NTNG2: variants seen among roughly 807,000 people sequenced by gnomAD.
NTNG2 encodes netrin G2, also known as netrin-G2.
NTNG2 carries 15 observed loss-of-function variants against 47.6 expected under a neutral mutation model. That is an observed-to-expected ratio of 0.32 (90% CI 0.21 to 0.49). NTNG2 has a LOEUF of 0.49. Among genes scored for constraint, NTNG2 ranks in the 20% least tolerant of loss-of-function variants. NTNG2 has a pLI of 0.99. For missense variants in NTNG2, 578 were observed against 764.6 expected (o/e 0.76, Z 2.88); for synonymous variants, 307 against 324.6 (o/e 0.95, Z 0.58).
At position 132,221,858 on chromosome 9, in the gene NTNG2, C is replaced by T. The variant is rs914703443; in HGVS notation, c.858-4991C>T. ...TTACAATATGCTTCTTGGATTCGGCCGGTCTTCTATGCATCTTTACTAAGC... is the reference window on the plus strand; with the variant it reads ...TTACAATATGCTTCTTGGATTCGGCTGGTCTTCTATGCATCTTTACTAAGC... On this transcript the variant is annotated intron_variant, in intron 3 of 7. Coordinates refer to ENST00000393229, the MANE Select transcript of NTNG2 (RefSeq NM_032536.4). The surrounding 1 kb of genome is among the most constrained non-coding windows in gnomAD (Gnocchi z 4.2). 2.0e-5 allele frequency among the ~76,000 whole-genome samples: 3 copies of T among 152,200 alleles called. No homozygotes were observed. The highest frequency in any genetic ancestry group is 6.5e-5 in the Admixed American group (1 of 15,288).
At chr9:132,216,581 A>G (rs1840012961) in intron 3 of NTNG2, among the ~76,000 whole-genome samples, 1 of 151,982 alleles carries the variant, frequency 6.6e-6, no homozygotes, top group Admixed American at 6.6e-5. Flanking sequence ...CGCTGGCCTC[A>G]TGGGCTGGCC....
chr9:132,236,769 G>C lies in NTNG2; in HGVS notation c.1055-2335G>C, dbSNP rs1841660171. Among the ~76,000 whole-genome samples, 1 of 152,210 alleles carries C rather than the reference G, an allele frequency of 6.6e-6. No individual in the cohort carries two copies. ...AGGTAGTGACGATCCCGGGACAGTG[G>C]CCTGCTCACCCACAGATAGGGCGTT... is the stretch of plus-strand genomic sequence containing the variant. On this transcript the variant is annotated intron_variant, in intron 5 of 7. Transcript: ENST00000393229. This position sits in a 1 kb window ranked among gnomAD's most constrained non-coding sequence, Gnocchi z 4.3.
At position 132,208,519 on chromosome 9, in the gene NTNG2, C is replaced by T. The variant is rs377446111; in HGVS notation, c.857+9910C>T. Among the ~76,000 whole-genome samples, 13 of 151,924 alleles carry T rather than the reference C, an allele frequency of 8.6e-5. No homozygotes were observed. Among genetic ancestry groups the T allele is most frequent in the East Asian group, 3.9e-4 (2 of 5,140 alleles). On this transcript the variant is annotated intron_variant, in intron 3 of 7. Coordinates refer to ENST00000393229, the MANE Select transcript of NTNG2 (RefSeq NM_032536.4). The surrounding 1 kb of genome is among the most constrained non-coding windows in gnomAD (Gnocchi z 4.0). ...CTACCAAGACTGACAGCAGCCTGGC[C>T]GGGTTCTGGCAGGGACAGGGGCTGT...
At position 132,230,567 on chromosome 9, in the gene NTNG2, C is replaced by G. The variant is rs1434916958; in HGVS notation, c.1031-5C>G. On this transcript the variant is annotated splice_polypyrimidine_tract_variant and splice_region_variant and intron_variant, in intron 4 of 7. Coordinates refer to ENST00000393229, the MANE Select transcript of NTNG2 (RefSeq NM_032536.4). ...AGCCAGCTCACGCCCGTCTCTCTCCCACAGGTGCCACTGCAGGTTCCTTTG... is the reference window on the plus strand; with the variant it reads ...AGCCAGCTCACGCCCGTCTCTCTCCGACAGGTGCCACTGCAGGTTCCTTTG... The G allele has an allele frequency of 6.2e-7, 1 of 1,603,812 alleles. No homozygotes were observed. Among genetic ancestry groups the G allele is most frequent in the Non-Finnish European group, 8.5e-7 (1 of 1,175,114 alleles).
intron 2 of NTNG2, among the ~76,000 whole-genome samples, chr9:132,189,647 AT>A (rs544933690): frequency 6.7e-6 from 1 of 149,926 alleles, no homozygotes; most frequent in African/African-American, 2.4e-5. Flanking sequence ...CTTAAAAAAA[AT>A]TTTTTTTTTG....
At chr9:132,204,509 A>C (rs570343681) in intron 3 of NTNG2, among the ~76,000 whole-genome samples, 2 of 151,984 alleles carry the variant, frequency 1.3e-5, no homozygotes, top group South Asian at 4.2e-4. Flanking sequence ...CTATTCCTGT[A>C]CCCACCCTCC....
At position 132,236,890 on chromosome 9, in the gene NTNG2, A is replaced by G. The variant is rs1841670647; in HGVS notation, c.1055-2214A>G. ...AGTGGGACTCCAGGGACAGCGAAGG[A>G]TTCACTTCGGCTGGAGCAGGAAGAG... On this transcript the variant is annotated intron_variant, in intron 5 of 7. Transcript: ENST00000393229. The surrounding 1 kb of genome is among the most constrained non-coding windows in gnomAD (Gnocchi z 4.3). Among the ~76,000 whole-genome samples, 1 of 152,204 alleles carries G rather than the reference A, an allele frequency of 6.6e-6. No homozygotes were observed. The highest frequency in any genetic ancestry group is 2.4e-5 in the African/African-American group (1 of 41,456).
chr9:132,198,448 C>T lies in NTNG2; in HGVS notation c.696C>T (p.Asn232=), dbSNP rs1277303023. The T allele has an allele frequency of 1.2e-6, 2 of 1,613,066 alleles. No homozygotes were observed. The highest frequency in any genetic ancestry group is 1.7e-6 in the Non-Finnish European group (2 of 1,179,962). The change falls in exon 3 of 8, where the codon AAC becomes AAT. Residue 232 remains asparagine (N), a synonymous_variant. Coordinates refer to ENST00000393229, the MANE Select transcript of NTNG2 (RefSeq NM_032536.4). ...GCCCCGACCTGCGCAACATGGACAA[C>T]CTCTACACGCGGCTGGAGAGCGCCA... ...FAGPDLRNMD[N]LYTRLESAKG...
rs1842070608 is a variant in NTNG2 at position 132,242,919 on chromosome 9, G to A, written c.*808G>A. On this transcript the variant is annotated 3_prime_UTR_variant, in exon 8 of 8. Transcript: ENST00000393229. The surrounding 1 kb of genome is among the most constrained non-coding windows in gnomAD (Gnocchi z 5.9). ...ATCCACAACACAGCCTTAAAGAAAC[G>A]GTTTCCCTACTGGGGCCACCATTTC... 6.6e-6 allele frequency: 1 copy of A among 152,184 alleles called. No homozygotes were observed. Among genetic ancestry groups the A allele is most frequent in the African/African-American group, 2.4e-5 (1 of 41,434 alleles). 9.4% of individuals were successfully genotyped at this position (152,184 alleles called of 1,614,324 possible). A position where few individuals can be genotyped will look rare whatever the true frequency, so the allele number is the denominator to read the frequency against.
chr9:132,168,663 G>A (rs1835672925), intron 2 of NTNG2, among the ~76,000 whole-genome samples: 1 of 152,126 alleles, frequency 6.6e-6, no homozygotes, highest in Admixed American at 6.5e-5. Context: ...AGGGGGCTGG[G>A]CTCTGGAAGC....
chr9:132,226,800 GGCTGCCCACAA>G lies in NTNG2; in HGVS notation c.858-45_858-35del. ...GCTCCTTTCCCCAGAGGCCAGGCCA[GGCTGCCCACAA>G]GCTCTCTGACATCTCTGCCCTCTCG... is the stretch of plus-strand genomic sequence containing the variant. On this transcript the variant is annotated intron_variant, in intron 3 of 7. Coordinates refer to ENST00000393229, the MANE Select transcript of NTNG2 (RefSeq NM_032536.4). This position sits in a 1 kb window ranked among gnomAD's most constrained non-coding sequence, Gnocchi z 4.8. 6.7e-7 allele frequency: 1 copy of G among 1,492,634 alleles called. No homozygotes were observed. The highest frequency in any genetic ancestry group is 1.4e-5 in the African/African-American group (1 of 71,382). The allele number at this position is 1,492,634 out of a possible 1,614,324, so 92.5% of individuals were successfully genotyped here. A position where few individuals can be genotyped will look rare whatever the true frequency, so the allele number is the denominator to read the frequency against.
chr9:132,234,156 G>A (rs1841455202), intron 5 of NTNG2, among the ~76,000 whole-genome samples: 1 of 151,870 alleles, frequency 6.6e-6, no homozygotes, highest in Non-Finnish European at 1.5e-5. Context: ...AGCCTCCCGA[G>A]TAGCTGGGAT....
rs112422870 is a variant in NTNG2, at chr9:132,218,349, G to A, written c.858-8500G>A. ...AAGATAATAATGACATGTCATTCAG[G>A]GGATTGCTGTGAAGGGCTAATGTTC... is the stretch of plus-strand genomic sequence containing the variant. On this transcript the variant is annotated intron_variant, in intron 3 of 7. Transcript: ENST00000393229. This position sits in a 1 kb window ranked among gnomAD's most constrained non-coding sequence, Gnocchi z 5.4. Among the ~76,000 whole-genome samples the A allele has an allele frequency of 0.012, 1,887 of 152,320 alleles. 28 individuals are homozygous for A. The highest frequency in any genetic ancestry group is 0.042 in the African/African-American group (1,741 of 41,564).
At chr9:132,173,864 C>T (rs1285170454) in intron 2 of NTNG2, among the ~76,000 whole-genome samples, 4 of 145,902 alleles carry the variant, frequency 2.7e-5, no homozygotes, top group East Asian at 2.1e-4. Context: ...GATGGACAGA[C>T]GGACAGACAG....
In NTNG2 at chr9:132,229,489, G is replaced by C. The variant is rs369312930; in HGVS notation, c.1031-1083G>C. Among the ~76,000 whole-genome samples the C allele has an allele frequency of 1.6e-3, 251 of 152,180 alleles. 1 individual carries two copies. The highest frequency in any genetic ancestry group is 5.7e-3 in the African/African-American group (238 of 41,526). On this transcript the variant is annotated intron_variant, in intron 4 of 7. Coordinates refer to ENST00000393229, the MANE Select transcript of NTNG2 (RefSeq NM_032536.4). ...CCTCCTCACCACTCTGCCCCCACCTGGCCAGCCCATCACCCTCCAGGGCCC... is the reference window on the plus strand; with the variant it reads ...CCTCCTCACCACTCTGCCCCCACCTCGCCAGCCCATCACCCTCCAGGGCCC...
rs79673784 is a variant in NTNG2 at position 132,207,371 on chromosome 9, G to C, written c.857+8762G>C. On this transcript the variant is annotated intron_variant, in intron 3 of 7. Coordinates refer to ENST00000393229, the MANE Select transcript of NTNG2 (RefSeq NM_032536.4). ...GTCCCATACCCTCCGCCCTCCGCTC[G>C]CTCCTGGTGGGGCCGGCAGCCTCTG... is the stretch of plus-strand genomic sequence containing the variant. Among the ~76,000 whole-genome samples the C allele has an allele frequency of 2.8e-3, 431 of 152,264 alleles. 13 individuals carry two copies. The East Asian group carries it at 0.07, about 25-fold the overall frequency.
chr9:132,216,251 T>C (rs1313262241), intron 3 of NTNG2, among the ~76,000 whole-genome samples: 1 of 152,164 alleles, frequency 6.6e-6, no homozygotes, highest in Admixed American at 6.5e-5. Flanking sequence ...TCTGCAAACA[T>C]TGAGCACCTA....
At chr9:132,239,641 G>C (rs555561962) in intron 6 of NTNG2, among the ~76,000 whole-genome samples, 4 of 116,298 alleles carry the variant, frequency 3.4e-5, no homozygotes, top group Non-Finnish European at 8.2e-5. Flanking sequence ...GCTGGTGTGT[G>C]GGGGGGTCCC....
chr9:132,198,605 G>A lies in NTNG2; in HGVS notation c.853G>A (p.Gly285Ser). The change falls in exon 3 of 8, where the codon GGC becomes AGC. Residue 285 changes from glycine to serine, a missense_variant. Transcript: ENST00000393229. ...FYAISNIEVI[G>S]RCKCNLHANL... Reference sequence around the variant, plus strand: ...CGCCATCTCCAACATCGAGGTCATCGGCAGGTAAGGCCGGGGGAAGCCCTG... The same window carrying A: ...CGCCATCTCCAACATCGAGGTCATCAGCAGGTAAGGCCGGGGGAAGCCCTG... 6.2e-7 allele frequency: 1 copy of A among 1,605,666 alleles called. No homozygotes were observed. The highest frequency in any genetic ancestry group is 8.5e-7 in the Non-Finnish European group (1 of 1,173,994).
Sources: gnomAD v4.1 joint callset for allele counts (sites outside exome capture counted in the v4.1 genomes callset) on GRCh38, gnomAD v4.1.1 for gene constraint, Gnocchi (gnomAD v3.1) non-coding constraint, MANE v1.5 for transcripts, NCBI Gene and HGNC (gene_info 2026-07-23, HGNC 2026-07-21) for gene names.